Variants in TAF1 observed in about 807,000 individuals in gnomAD.
TAF1 encodes transcription initiation factor TFIID subunit 1.
TAF1 carries 2 observed loss-of-function variants against 138.5 expected under a neutral mutation model. The observed-to-expected ratio is 0.01, with a 90% CI of 0.01 to 0.05. The LOEUF (loss-of-function observed/expected upper bound fraction) is 0.05, where lower values mean the gene tolerates loss of function less well. TAF1 is among the 10% of genes least tolerant of loss of function. TAF1 has a pLI of 1.00. For missense variants in TAF1, 709 were observed against 1,478.0 expected (o/e 0.48, Z 8.53); for synonymous variants, 437 against 503.2 (o/e 0.87, Z 1.76).
intron 32 of TAF1, among the ~76,000 whole-genome samples, chrX:71,434,591 A>G (rs2037049072): frequency 8.9e-6 from 1 of 112,057 alleles, no homozygotes; most frequent in Non-Finnish European, 1.9e-5. Context: ...CACTCCATAT[A>G]AAACACATCT....
rs1413513951 is a variant in TAF1, at chrX:71,491,057, T to G, written c.1366+30254T>G. ...TTGTTGTTGTTGTTTTTTTTTTTTT[T>G]TTTTTTTTTTTAGATTAGTCAAGTG... is the stretch of plus-strand genomic sequence containing the variant. On this transcript the variant is annotated intron_variant and NMD_transcript_variant, in intron 13 of 14. Coordinates refer to the TAF1 transcript ENST00000373775. 10 of 100,537 alleles carry G rather than the reference T, an allele frequency of 9.9e-5. No individual in the cohort carries two copies. The South Asian group carries it at 1.4e-3, about 14-fold the overall frequency. 8.3% of individuals were successfully genotyped at this position (100,537 alleles called of 1,213,427 possible).
At chrX:71,505,093 T>A (rs1371268169) in intron 13 of TAF1, among the ~76,000 whole-genome samples, 4 of 110,317 alleles carry the variant, frequency 3.6e-5, no homozygotes, top group Admixed American at 3.0e-4. Context: ...ATCATGCCAC[T>A]GCACACCAGC....
chrX:71,405,441 C>T (rs911762453), intron 25 of TAF1, among the ~76,000 whole-genome samples: 1 of 111,881 alleles, frequency 8.9e-6, no homozygotes, highest in African/African-American at 3.2e-5. Context: ...ACCTCTGCCT[C>T]CTGGGTTCAC....
In TAF1 at chrX:71,366,403, C is replaced by T. The variant is rs2148107275; in HGVS notation, c.29C>T (p.Ser10Phe). 2 of 1,210,565 alleles carry T rather than the reference C, an allele frequency of 1.7e-6. No individual in the cohort carries two copies. Among genetic ancestry groups the T allele is most frequent in the East Asian group, 3.0e-5 (1 of 33,771 alleles). Reference protein sequence around the residue: MSDTDSDEDSAGGGPFSLAG... With the variant: MSDTDSDEDFAGGGPFSLAG... The stretch of plus-strand genomic sequence containing the variant: ...TCAGACACGGACAGCGACGAAGATT[C>T]CGCTGGAGGCGGCCCATTTTCTTTA... The change falls in exon 1 of 38, where the codon TCC becomes TTC. Residue 10 changes from serine to phenylalanine, a missense_variant. Transcript: ENST00000423759.
At chrX:71,485,969 A>ATTAT (rs1043169793) in intron 13 of TAF1, among the ~76,000 whole-genome samples, 15 of 109,189 alleles carry the variant, frequency 1.4e-4, no homozygotes, top group East Asian at 5.7e-4. Context: ...TTATTTATTT[A>ATTAT]TTATTTATTT....
At chrX:71,454,348 G>A (rs2038187363) in intron 33 of TAF1, 111 bp downstream of exon 33, 1 of 637,258 alleles carries the variant, frequency 1.6e-6, no homozygotes, top group East Asian at 3.6e-5. Context: ...TGGGACGTGT[G>A]GTCCCAGCTA....
At chrX:71,409,470 A>C (rs930714732) in intron 28 of TAF1, among the ~76,000 whole-genome samples, 1 of 111,693 alleles carries the variant, frequency 9.0e-6, no homozygotes, top group Admixed American at 9.6e-5. Context: ...TAGCTTCTGC[A>C]TGTAAAGGAT....
At chrX:71,457,714 T>C (rs1349870106) in intron 34 of TAF1, among the ~76,000 whole-genome samples, 1 of 112,315 alleles carries the variant, frequency 8.9e-6, no homozygotes, top group Non-Finnish European at 1.9e-5. Flanking sequence ...TGTTACTCAC[T>C]AGCAAGTGTT....
intron 13 of TAF1, among the ~76,000 whole-genome samples, chrX:71,526,434 A>G (rs1361338705): frequency 8.9e-6 from 1 of 112,269 alleles, no homozygotes; most frequent in Admixed American, 9.5e-5. Context: ...AACAATGTCT[A>G]TATTGGTGGG....
chrX:71,455,077 TG>T (rs1371931729), intron 34 of TAF1: 2 of 1,136,155 alleles, frequency 1.8e-6, no homozygotes, highest in Admixed American at 5.2e-5. Context: ...GATGAATGAA[TG>T]GGGTGGGGCC....
intron 13 of TAF1, among the ~76,000 whole-genome samples, chrX:71,516,153 T>C (rs112738239): frequency 0.072 from 7,869 of 109,010 alleles, 530 homozygotes; most frequent in African/African-American, 0.22. Context: ...CCTCGAATTC[T>C]GAGGCTCAGG....
intron 13 of TAF1, among the ~76,000 whole-genome samples, chrX:71,507,941 A>G (rs992179372): frequency 2.7e-5 from 3 of 109,385 alleles, no homozygotes; most frequent in African/African-American, 1.0e-4. Context: ...GTGAGCCGAG[A>G]TGGCACCACT....
At chrX:71,485,154 A>G (rs755719532) in intron 13 of TAF1, among the ~76,000 whole-genome samples, 2 of 112,371 alleles carry the variant, frequency 1.8e-5, no homozygotes, top group Non-Finnish European at 3.8e-5. Flanking sequence ...TTCCTGATCC[A>G]TGGAAACAGT....
At chrX:71,410,293 A>T (rs184941657) in intron 28 of TAF1, among the ~76,000 whole-genome samples, 1,311 of 110,005 alleles carry the variant, frequency 0.012, 8 homozygotes, top group Non-Finnish European at 0.018. Context: ...TAAATAGCTT[A>T]AAAAAATTTA....
intron 13 of TAF1, among the ~76,000 whole-genome samples, chrX:71,477,082 G>T (rs909852622): frequency 9.2e-6 from 1 of 108,711 alleles, no homozygotes; most frequent in Non-Finnish European, 1.9e-5. Flanking sequence ...GGGATTACCG[G>T]TGCCTGCCAC....
chrX:71,444,531 C>T (rs1466143030), intron 32 of TAF1, among the ~76,000 whole-genome samples: 1 of 110,517 alleles, frequency 9.0e-6, no homozygotes, highest in Admixed American at 9.7e-5. Context: ...CCAGCCTACG[C>T]AATATAGTGA....
chrX:71,385,130 T>C lies in TAF1; in HGVS notation c.2226+81T>C, dbSNP rs28382168. 1,326 of 696,107 alleles carry C rather than the reference T, an allele frequency of 1.9e-3. 17 individuals carry two copies. The African/African-American group carries it at 0.026, about 14-fold the overall frequency. 57.4% of individuals were successfully genotyped at this position (696,107 alleles called of 1,213,427 possible). On this transcript the variant is annotated intron_variant, in intron 14 of 37. Transcript: ENST00000423759. ...CCAGTCAGCTCAGAAAGAACTATTA[T>C]AATTCTAGTTGATTGAGATGCTTTA...
At position 71,385,030 on chromosome X, in the gene TAF1, A is replaced by G; in HGVS notation, c.2207A>G (p.His736Arg). The change falls in exon 14 of 38, where the codon CAT becomes CGT. Residue 736 changes from histidine to arginine, a missense_variant. His to Arg is a conservative substitution (Grantham distance 29). Coordinates refer to ENST00000423759, the MANE Select transcript of TAF1 (RefSeq NM_004606.5). ...ACATCTCCTTTCCTGGGTTCTCTCC[A>G]TCCTGGCCAATTGCTGCAAGTGAGG... ...CHTSPFLGSL[H>R]PGQLLQAFEN... 8.3e-7 allele frequency: 1 copy of G among 1,205,405 alleles called. No individual in the cohort carries two copies. The highest frequency in any genetic ancestry group is 1.1e-6 in the Non-Finnish European group (1 of 891,817).
intron 13 of TAF1, among the ~76,000 whole-genome samples, chrX:71,489,081 A>G (rs1398608161): frequency 9.3e-6 from 1 of 107,986 alleles, no homozygotes; most frequent in African/African-American, 3.4e-5. Context: ...AAAAAAAAAA[A>G]CACACACAAA....
Sources: allele counts gnomAD v4.1 joint callset (sites outside exome capture counted in the v4.1 genomes callset), GRCh38; gene constraint gnomAD v4.1.1; transcripts MANE v1.5; gene names NCBI Gene and HGNC (gene_info 2026-07-23, HGNC 2026-07-21).